The following NCKAP5 variants were observed in gnomAD, a reference collection of about 807,000 sequenced individuals.
NCKAP5 encodes the protein nck-associated protein 5.
In NCKAP5, 92 loss-of-function variants were observed where a neutral mutation model predicts 167.0. The ratio of observed to expected loss-of-function variants is 0.55; its 90% CI spans 0.47 to 0.66. The LOEUF (loss-of-function observed/expected upper bound fraction) is 0.66, where lower values mean the gene tolerates loss of function less well. Ranked by LOEUF, NCKAP5 falls within the 30% of genes least tolerant of loss-of-function variation. NCKAP5 has a pLI of 0.00. For missense variants in NCKAP5, 2,378 were observed against 2,315.0 expected, an observed-to-expected ratio of 1.03 and a Z score of -0.56; for synonymous variants, 891 against 877.4, an observed-to-expected ratio of 1.02 and a Z score of -0.27.
intron 11 of NCKAP5, among the ~76,000 whole-genome samples, chr2:132,822,270 C>T (rs1686804447): frequency 6.6e-6 from 1 of 152,172 alleles, no homozygotes; most frequent in Non-Finnish European, 1.5e-5. Context: ...GCACATTGAA[C>T]ATACGTATAA....
At position 132,790,110 on chromosome 2, in the gene NCKAP5, G is replaced by A. The variant is rs781771833; in HGVS notation, c.1005C>T (p.Ser335=). Residue 335 remains serine, a synonymous_variant, in exon 13 of 20, where the codon AGC becomes AGT. Coordinates refer to ENST00000409261, the MANE Select transcript of NCKAP5 (RefSeq NM_207363.3). ...AGGTGCTTGAAAGAGACAGTTCACT[G>A]CTGCTACTGTAGCTGTTTCGAGGAC... The part of the protein sequence containing the change: ...HLCPRNSYSS[S]SELSLSSTCS... 2 of 1,613,440 alleles carry A rather than the reference G, an allele frequency of 1.2e-6. No homozygotes were observed. Among genetic ancestry groups the A allele is most frequent in the Non-Finnish European group, 1.7e-6 (2 of 1,179,734 alleles).
the NCKAP5 span, among the ~76,000 whole-genome samples, chr2:133,578,799 C>G: frequency 6.6e-6 from 1 of 152,186 alleles, no homozygotes; most frequent in South Asian, 2.1e-4. Context: ...GCGTCATGAC[C>G]TCAAGAACTT....
intron 3 of NCKAP5, among the ~76,000 whole-genome samples, chr2:133,455,893 T>C (rs1001930855): frequency 6.6e-6 from 1 of 152,166 alleles, no homozygotes; most frequent in Non-Finnish European, 1.5e-5. Context: ...AAATCCACCA[T>C]AAAAGTCAGT....
intron 5 of NCKAP5, among the ~76,000 whole-genome samples, chr2:133,149,416 T>C (rs2083306044): frequency 6.6e-6 from 1 of 151,956 alleles, no homozygotes; most frequent in Non-Finnish European, 1.5e-5. Context: ...GCTCCATACT[T>C]CCCTAAACGA....
chr2:132,729,378 G>C (rs1235298237), intron 17 of NCKAP5, among the ~76,000 whole-genome samples: 1 of 152,202 alleles, frequency 6.6e-6, no homozygotes, highest in South Asian at 2.1e-4. Flanking sequence ...GAGAGGATTT[G>C]AATTTGCAGG....
chr2:133,504,590 A>G (rs1197381039), intron 3 of NCKAP5, among the ~76,000 whole-genome samples: 1 of 152,032 alleles, frequency 6.6e-6, no homozygotes, highest in East Asian at 2.0e-4. Context: ...ATGCTTATGT[A>G]GGTGGCCAAT....
chr2:133,361,135 T>C (rs1237287283), intron 3 of NCKAP5, among the ~76,000 whole-genome samples: 1 of 151,964 alleles, frequency 6.6e-6, no homozygotes, highest in East Asian at 2.0e-4. Context: ...GCATCAGAGA[T>C]GAGAGGAGGA....
chr2:132,889,644 A>G (rs965231024), intron 8 of NCKAP5, among the ~76,000 whole-genome samples: 3 of 152,234 alleles, frequency 2.0e-5, no homozygotes, highest in African/African-American at 7.2e-5. Context: ...AAAGGTGCAC[A>G]TTGGACTAAA....
chr2:132,776,133 A>G lies in NCKAP5; in HGVS notation c.5050-2239T>C, dbSNP rs184232724. Reference sequence around the variant, plus strand: ...TCATTGCTATAATTCAATTTTTCAGAGTGCCCTGTCCTGTTACAGCTATCC... The same window carrying G: ...TCATTGCTATAATTCAATTTTTCAGGGTGCCCTGTCCTGTTACAGCTATCC... On this transcript the variant is annotated intron_variant, in intron 15 of 19. Transcript: ENST00000409261. Among the ~76,000 whole-genome samples, 242 of 152,360 alleles carry G rather than the reference A, an allele frequency of 1.6e-3. 1 individual carries two copies. Among genetic ancestry groups the G allele is most frequent in the African/African-American group, 5.2e-3 (215 of 41,588 alleles).
chr2:133,370,302 C>T (rs1685715506), intron 3 of NCKAP5, among the ~76,000 whole-genome samples: 1 of 152,196 alleles, frequency 6.6e-6, no homozygotes, highest in East Asian at 1.9e-4. Context: ...AACAGCTTTA[C>T]TCTGTGTACT....
the NCKAP5 span, among the ~76,000 whole-genome samples, chr2:133,627,982 T>C: frequency 2.0e-5 from 3 of 152,116 alleles, no homozygotes; most frequent in Non-Finnish European, 4.4e-5. Flanking sequence ...ACTTAAAAAG[T>C]ACTTGTGCAT....
At chr2:132,855,361 A>T (rs1285576413) in intron 11 of NCKAP5, among the ~76,000 whole-genome samples, 3 of 152,220 alleles carry the variant, frequency 2.0e-5, no homozygotes, top group African/African-American at 7.2e-5. Flanking sequence ...ATACTCTGCC[A>T]TCTGAGCCCT....
chr2:133,333,542 C>T (rs956918069), intron 3 of NCKAP5, among the ~76,000 whole-genome samples: 4 of 152,198 alleles, frequency 2.6e-5, no homozygotes, highest in African/African-American at 9.6e-5. Flanking sequence ...TACCTTTCTA[C>T]AGCTACTATC....
At chr2:132,920,680 A>AT (rs1558942415) in intron 8 of NCKAP5, among the ~76,000 whole-genome samples, 3 of 83,404 alleles carry the variant, frequency 3.6e-5, no homozygotes, top group Non-Finnish European at 5.8e-5. Flanking sequence ...TATATATATA[A>AT]GTTAGTTTAT....
intron 6 of NCKAP5, among the ~76,000 whole-genome samples, chr2:133,104,139 A>G (rs2081607050): frequency 6.6e-6 from 1 of 151,890 alleles, no homozygotes; most frequent in Non-Finnish European, 1.5e-5. Context: ...AAAACTATAG[A>G]TCTAAAAAAA....
At chr2:132,771,342 A>C (rs913212829) in intron 16 of NCKAP5, among the ~76,000 whole-genome samples, 22 of 152,256 alleles carry the variant, frequency 1.4e-4, no homozygotes, top group African/African-American at 5.3e-4. Flanking sequence ...GAAAAATCTT[A>C]CAGAATAAGG....
At chr2:133,611,798 T>G in the NCKAP5 span, among the ~76,000 whole-genome samples, 1 of 152,168 alleles carries the variant, frequency 6.6e-6, no homozygotes, top group South Asian at 2.1e-4. Flanking sequence ...AAATAATCAT[T>G]GTTTTCAAGT....
chr2:133,553,572 G>A (rs1193575176), intron 2 of NCKAP5, among the ~76,000 whole-genome samples: 1 of 152,160 alleles, frequency 6.6e-6, no homozygotes. Flanking sequence ...TAAATAGGTG[G>A]AGATGATGAT....
rs189227615 is a variant in NCKAP5 at position 133,233,475 on chromosome 2, G to A, written c.144-19696C>T. Among the ~76,000 whole-genome samples the A allele has an allele frequency of 3.3e-5, 5 of 152,056 alleles. No individual in the cohort carries two copies. In the East Asian group the frequency reaches 9.7e-4, roughly 29 times the overall value. ...ATCAAAAGAGTATTTTCACAAGTCC[G>A]AGTTTATAAACAATTGAATATATTC... On this transcript the variant is annotated intron_variant, in intron 4 of 19. Coordinates refer to ENST00000409261, the MANE Select transcript of NCKAP5 (RefSeq NM_207363.3).
Sources: gnomAD v4.1 joint callset for allele counts (sites outside exome capture counted in the v4.1 genomes callset) on GRCh38, gnomAD v4.1.1 for gene constraint, MANE v1.5 for transcripts, NCBI Gene and HGNC (gene_info 2026-07-23, HGNC 2026-07-21) for gene names.